Variants in MARCHF1 observed in about 807,000 individuals in gnomAD.
MARCHF1 encodes the protein membrane associated ring-CH-type finger 1.
In MARCHF1, 40 loss-of-function variants were observed where a neutral mutation model predicts 54.2. The ratio of observed to expected loss-of-function variants is 0.74; its 90% CI spans 0.57 to 0.96. The LOEUF (loss-of-function observed/expected upper bound fraction) is 0.96, where lower values mean the gene tolerates loss of function less well. MARCHF1 is among the 40% of genes least tolerant of loss of function. MARCHF1 has a pLI of 0.00. For synonymous variants in MARCHF1, 236 were observed against 236.3 expected (o/e 1.00, Z 0.01); for missense variants, 586 against 656.5 (o/e 0.89, Z 1.17).
chr4:164,250,199 T>C (rs543830554), intron 1 of MARCHF1, among the ~76,000 whole-genome samples: 1 of 152,240 alleles, frequency 6.6e-6, no homozygotes, highest in African/African-American at 2.4e-5. Context: ...GTGAGTTATG[T>C]GCATGGTTAA....
intron 1 of MARCHF1, among the ~76,000 whole-genome samples, chr4:164,144,515 T>A (rs1370211316): frequency 2.6e-5 from 4 of 151,862 alleles, no homozygotes; most frequent in East Asian, 1.9e-4. Context: ...GGATTAAGAA[T>A]CTCACTCAAA....
At chr4:163,927,124 G>C (rs1218727874) in intron 3 of MARCHF1, among the ~76,000 whole-genome samples, 1 of 151,620 alleles carries the variant, frequency 6.6e-6, no homozygotes, top group Non-Finnish European at 1.5e-5. Flanking sequence ...TTAAATGTTT[G>C]TATTTTCTTT....
chr4:163,691,916 A>G (rs1478878365), intron 5 of MARCHF1, among the ~76,000 whole-genome samples: 6 of 152,180 alleles, frequency 3.9e-5, no homozygotes, highest in Non-Finnish European at 8.8e-5. Context: ...TTTCTCAGCC[A>G]AAAGTCTATA....
intron 2 of MARCHF1, among the ~76,000 whole-genome samples, chr4:164,077,048 C>G (rs1754996494): frequency 2.6e-5 from 4 of 151,960 alleles, no homozygotes; most frequent in Admixed American, 2.6e-4. Context: ...TCATATGGAA[C>G]CAAAAAAGAG....
intron 2 of MARCHF1, among the ~76,000 whole-genome samples, chr4:164,072,045 A>AT (rs1481581300): frequency 2.0e-5 from 3 of 152,060 alleles, no homozygotes; most frequent in African/African-American, 7.2e-5. Context: ...AAAAAAAAAA[A>AT]GAAGTAATAA....
At chr4:163,715,056 G>A (rs1745217502) in intron 4 of MARCHF1, among the ~76,000 whole-genome samples, 1 of 152,112 alleles carries the variant, frequency 6.6e-6, no homozygotes, top group South Asian at 2.1e-4. Context: ...TTTTTAAAAT[G>A]TGTCTAAATT....
At chr4:164,034,205 A>C (rs955596080) in intron 2 of MARCHF1, among the ~76,000 whole-genome samples, 5 of 152,168 alleles carry the variant, frequency 3.3e-5, no homozygotes, top group African/African-American at 1.2e-4. Flanking sequence ...GCTGGAAGCC[A>C]TCATCCTCAG....
intron 2 of MARCHF1, among the ~76,000 whole-genome samples, chr4:164,055,008 A>G (rs1460680384): frequency 6.6e-6 from 1 of 152,224 alleles, no homozygotes; most frequent in Non-Finnish European, 1.5e-5. Context: ...GTGTTATCTA[A>G]TTAAATTCTC....
intron 8 of MARCHF1, among the ~76,000 whole-genome samples, chr4:163,569,644 A>G (rs1376328396): frequency 1.3e-5 from 2 of 152,108 alleles, no homozygotes. Flanking sequence ...CAACGTTACA[A>G]AGCTACGATG....
At chr4:164,293,177 A>G (rs948773713) in intron 1 of MARCHF1, among the ~76,000 whole-genome samples, 1 of 152,128 alleles carries the variant, frequency 6.6e-6, no homozygotes, top group South Asian at 2.1e-4. Context: ...TGCATAGCCT[A>G]TATCTTGAAT....
intron 4 of MARCHF1, among the ~76,000 whole-genome samples, chr4:163,821,104 C>G (rs1303903928): frequency 6.6e-6 from 1 of 152,008 alleles, no homozygotes; most frequent in Non-Finnish European, 1.5e-5. Context: ...GCCTTCTAGG[C>G]TTTTATACAC....
In MARCHF1 at chr4:163,525,118, G is replaced by A. The variant is rs1418980125; in HGVS notation, c.*3630C>T. 1 of 152,082 alleles carries A rather than the reference G, an allele frequency of 6.6e-6. No homozygotes were observed. Among genetic ancestry groups the A allele is most frequent in the Non-Finnish European group, 1.5e-5 (1 of 68,016 alleles). 9.4% of individuals were successfully genotyped at this position (152,082 alleles called of 1,614,324 possible). A position where few individuals can be genotyped will look rare whatever the true frequency, so the allele number is the denominator to read the frequency against. On this transcript the variant is annotated 3_prime_UTR_variant, in exon 10 of 10. Coordinates refer to ENST00000514618, the MANE Select transcript of MARCHF1 (RefSeq NM_001394959.1). ...ATGATACTAATAACTTTTAAGAGCT[G>A]TACTCTGTTCTATAATATTCATTTT... is the stretch of plus-strand genomic sequence containing the variant.
chr4:164,155,000 A>G (rs1446223890), intron 1 of MARCHF1, among the ~76,000 whole-genome samples: 1 of 152,126 alleles, frequency 6.6e-6, no homozygotes, highest in Non-Finnish European at 1.5e-5. Context: ...TAATTCTCCG[A>G]CTGTCCCCAG....
At chr4:164,078,003 C>T (rs898262852) in intron 2 of MARCHF1, among the ~76,000 whole-genome samples, 1 of 152,132 alleles carries the variant, frequency 6.6e-6, no homozygotes, top group Non-Finnish European at 1.5e-5. Flanking sequence ...ACCAGAAATA[C>T]CATTTGATCC....
At chr4:163,595,034 C>T (rs922178719) in intron 7 of MARCHF1, among the ~76,000 whole-genome samples, 5 of 151,956 alleles carry the variant, frequency 3.3e-5, no homozygotes, top group Admixed American at 1.3e-4. Context: ...AGTGAAGCTA[C>T]GGAAACAACC....
rs148236764 is a variant in MARCHF1 at position 164,321,164 on chromosome 4, C to T, written c.-323+62706G>A. Among the ~76,000 whole-genome samples, 126 of 152,202 alleles carry T rather than the reference C, an allele frequency of 8.3e-4. 1 individual carries two copies. The highest frequency in any genetic ancestry group is 3.0e-3 in the African/African-American group (124 of 41,548). On this transcript the variant is annotated intron_variant, in intron 1 of 9. Coordinates refer to ENST00000514618, the MANE Select transcript of MARCHF1 (RefSeq NM_001394959.1). Reference sequence around the variant, plus strand: ...GAGAGAGAAAGTCAAAACAAATAAACACATGCTGGTGATAGAAAACCTCTG... The same window carrying T: ...GAGAGAGAAAGTCAAAACAAATAAATACATGCTGGTGATAGAAAACCTCTG...
chr4:164,008,696 C>A (rs1333342241), intron 2 of MARCHF1, among the ~76,000 whole-genome samples: 1 of 151,974 alleles, frequency 6.6e-6, no homozygotes, highest in East Asian at 1.9e-4. Flanking sequence ...AGGCAATAGA[C>A]AAACACATAA....
chr4:164,241,686 G>T (rs12511040), intron 1 of MARCHF1, among the ~76,000 whole-genome samples: 17 of 152,178 alleles, frequency 1.1e-4, no homozygotes, highest in Non-Finnish European at 1.5e-4. Context: ...CGCAGAAGAC[G>T]GGTGATTTCT....
intron 1 of MARCHF1, among the ~76,000 whole-genome samples, chr4:164,284,747 G>A (rs1734104055): frequency 6.6e-6 from 1 of 150,804 alleles, no homozygotes; most frequent in Non-Finnish European, 1.5e-5. Flanking sequence ...AATCACAAAG[G>A]TATTTCTCCA....
Sources: allele counts gnomAD v4.1 joint callset (sites outside exome capture counted in the v4.1 genomes callset), GRCh38; gene constraint gnomAD v4.1.1; transcripts MANE v1.5; gene names NCBI Gene and HGNC (gene_info 2026-07-23, HGNC 2026-07-21).